Variants in CXorf38 observed in about 807,000 individuals in gnomAD.
The protein encoded by CXorf38 is chromosome X open reading frame 38, also known as uncharacterized protein CXorf38.
In CXorf38, 13 loss-of-function variants were observed where a neutral mutation model predicts 27.5. The ratio of observed to expected loss-of-function variants is 0.47; its 90% CI spans 0.31 to 0.75. The LOEUF (loss-of-function observed/expected upper bound fraction) is 0.75. CXorf38 is among the 30% of genes least tolerant of loss of function. The pLI, the probability that CXorf38 is intolerant of heterozygous loss-of-function variation, is 0.05. For synonymous variants in CXorf38, 100 were observed against 99.8 expected (o/e 1.00, Z -0.01); for missense variants, 240 against 253.2 (o/e 0.95, Z 0.35).
intron 3 of CXorf38, 111 bp downstream of exon 3, chrX:40,638,898 A>G: frequency 1.1e-6 from 1 of 903,522 alleles, no homozygotes; most frequent in Non-Finnish European, 1.5e-6. Context: ...GGGAGCTACT[A>G]CGTGCTATAC....
chrX:40,646,894 A>C, intron 2 of CXorf38, 113 bp downstream of exon 2: 7 of 854,087 alleles, frequency 8.2e-6, no homozygotes, highest in Non-Finnish European at 1.1e-5. Flanking sequence ...CCCTTGATCA[A>C]TCTCTCTCTC....
chrX:40,637,249 T>C, intron 3 of CXorf38, 93 bp from the exon 4 acceptor site: 1 of 638,064 alleles, frequency 1.6e-6, no homozygotes, highest in South Asian at 3.8e-5. Flanking sequence ...AGAGAGGCTT[T>C]GTTAATTATA....
Position 40,647,292 on chromosome X carries a change from G to T in CXorf38, c.216+13C>A. ...GTGGGGGCGGTGGTCAAGGCCCCGAGCCAGGTGCTCACCTGGCGGGCGCGA... is the reference window on the plus strand; with the variant it reads ...GTGGGGGCGGTGGTCAAGGCCCCGATCCAGGTGCTCACCTGGCGGGCGCGA... On this transcript the variant is annotated intron_variant, in intron 1 of 6. Coordinates refer to ENST00000327877, the MANE Select transcript of CXorf38 (RefSeq NM_144970.3). The T allele has an allele frequency of 9.1e-7, 1 of 1,094,299 alleles. No homozygotes were observed. 90.2% of individuals were successfully genotyped at this position (1,094,299 alleles called of 1,213,427 possible).
At chrX:40,643,077 C>T (rs1033193683) in intron 2 of CXorf38, among the ~76,000 whole-genome samples, 5 of 109,518 alleles carry the variant, frequency 4.6e-5, no homozygotes, top group Admixed American at 9.7e-5. Context: ...CGCCCAGCCA[C>T]GCCCGGCTAA....
intron 6 of CXorf38, 83 bp downstream of exon 6, chrX:40,630,531 T>C (rs1927725647): frequency 7.4e-6 from 7 of 944,126 alleles, no homozygotes; most frequent in Non-Finnish European, 1.0e-5. Context: ...TGTGTGTTCA[T>C]GATGGCCTCA....
chrX:40,647,317 A>G lies in CXorf38; in HGVS notation c.204T>C (p.Pro68=), dbSNP rs1304305610. ...AVCRGGSRCS[P]RARQFQPQCQ... ...GCCAGGTGCTCACCTGGCGGGCGCG[A>G]GGGCTGCACCGTGAGCCGCCGCGGC... Residue 68 remains proline, a synonymous_variant, in exon 1 of 7, where the codon CCT becomes CCC. Coordinates refer to ENST00000327877, the MANE Select transcript of CXorf38 (RefSeq NM_144970.3). 4 of 1,070,352 alleles carry G rather than the reference A, an allele frequency of 3.7e-6. No homozygotes were observed. The East Asian group carries it at 1.5e-4, about 40-fold the overall frequency. The allele number at this position is 1,070,352 out of a possible 1,213,427, so 88.2% of individuals were successfully genotyped here. A position where few individuals can be genotyped will look rare whatever the true frequency, so the allele number is the denominator to read the frequency against.
chrX:40,637,245 G>T, intron 3 of CXorf38, 89 bp from the exon 4 acceptor site: 1 of 658,034 alleles, frequency 1.5e-6, no homozygotes, highest in Non-Finnish European at 2.2e-6. Context: ...TCATAGAGAG[G>T]CTTTGTTAAT....
At chrX:40,634,759 A>C (rs1927988638) in intron 5 of CXorf38, among the ~76,000 whole-genome samples, 1 of 112,029 alleles carries the variant, frequency 8.9e-6, no homozygotes, top group African/African-American at 3.3e-5. Flanking sequence ...TTTTGAGGTA[A>C]CATGCCAATC....
intron 5 of CXorf38, among the ~76,000 whole-genome samples, chrX:40,631,975 A>G (rs1355839320): frequency 9.0e-6 from 1 of 111,670 alleles, no homozygotes; most frequent in East Asian, 2.8e-4. Context: ...GTTAATACAC[A>G]GCTGGAAACT....
chrX:40,647,212 A>T, intron 1 of CXorf38, 71 bp from the exon 2 acceptor site: 8 of 1,181,209 alleles, frequency 6.8e-6, no homozygotes, highest in East Asian at 3.0e-5. Context: ...TCGCGGAGGG[A>T]ACAGGACACT....
Position 40,634,383 on chromosome X carries a change from G to C in CXorf38, c.801+2150C>G, listed in dbSNP as rs73624915. 4.8e-3 allele frequency among the ~76,000 whole-genome samples: 536 copies of C among 111,826 alleles called. 4 individuals carry two copies. The highest frequency in any genetic ancestry group is 0.017 in the African/African-American group (520 of 30,706). On this transcript the variant is annotated intron_variant, in intron 5 of 6. Transcript: ENST00000327877. The stretch of plus-strand genomic sequence containing the variant: ...ACTGCACCTCGCCTTCACCCCTACT[G>C]TTTTAACAAAAACAAGAAACAGGTC...
chrX:40,631,262 C>G (rs1333132065), intron 5 of CXorf38, among the ~76,000 whole-genome samples: 1 of 79,714 alleles, frequency 1.3e-5, no homozygotes, highest in African/African-American at 5.8e-5. Flanking sequence ...TATACACACA[C>G]ACACACACAC....
chrX:40,642,191 G>A (rs1480930513), intron 2 of CXorf38, among the ~76,000 whole-genome samples: 2 of 111,018 alleles, frequency 1.8e-5, no homozygotes, highest in Admixed American at 1.9e-4. Context: ...GAGGGAAAGA[G>A]CTGAAACAAG....
Position 40,637,057 on chromosome X carries a change from C to A in CXorf38, c.571G>T (p.Glu191Ter). Residue 191 changes from glutamate to a stop codon, truncating the protein, a stop_gained, in exon 4 of 7, where the codon GAA (glutamate) becomes TAA (stop). Transcript: ENST00000327877. LOFTEE classifies it high-confidence loss of function. ...ACAATCTCTGGGATGTTCTTGAATT[C>A]ATTCAGAAAATTTTGGATCTTCATC... ...FQMKIQNFLNEFKNIPEIVAV... is the reference protein window; with the variant it reads ...FQMKIQNFLN 1 of 1,207,092 alleles carries A rather than the reference C, an allele frequency of 8.3e-7. No homozygotes were observed. The highest frequency in any genetic ancestry group is 1.1e-6 in the Non-Finnish European group (1 of 892,248).
At chrX:40,635,696 T>G (rs1460546447) in intron 5 of CXorf38, among the ~76,000 whole-genome samples, 1 of 112,214 alleles carries the variant, frequency 8.9e-6, no homozygotes, top group Admixed American at 9.4e-5. Flanking sequence ...ACATTGATAA[T>G]CCTTTAAACA....
intron 5 of CXorf38, among the ~76,000 whole-genome samples, chrX:40,635,406 C>T (rs1225296191): frequency 8.9e-6 from 1 of 112,673 alleles, no homozygotes; most frequent in Non-Finnish European, 1.9e-5. Flanking sequence ...GAGCACAGCT[C>T]CGTGAATTTG....
intron 5 of CXorf38, among the ~76,000 whole-genome samples, chrX:40,632,780 T>C (rs1270563439): frequency 2.7e-5 from 3 of 111,812 alleles, no homozygotes; most frequent in Admixed American, 9.5e-5. Context: ...ATCTGACCTC[T>C]CTGAGCTTAC....
chrX:40,638,001 A>G (rs984469056), intron 3 of CXorf38, among the ~76,000 whole-genome samples: 1 of 112,103 alleles, frequency 8.9e-6, no homozygotes, highest in African/African-American at 3.2e-5. Flanking sequence ...TTCCCCCAAA[A>G]TCCCTTAACT....
intron 2 of CXorf38, among the ~76,000 whole-genome samples, chrX:40,642,013 G>A (rs1159840817): frequency 1.8e-5 from 2 of 111,781 alleles, no homozygotes; most frequent in Non-Finnish European, 3.8e-5. Flanking sequence ...GTTATAGAAC[G>A]ATCTAATTCC....
Sources: allele counts gnomAD v4.1 joint callset (sites outside exome capture counted in the v4.1 genomes callset), GRCh38; gene constraint gnomAD v4.1.1; transcripts MANE v1.5; gene names NCBI Gene and HGNC (gene_info 2026-07-23, HGNC 2026-07-21).